The following ZFHX3 variants were observed in gnomAD, a reference collection of about 807,000 sequenced individuals.
ZFHX3 encodes zinc finger homeobox 3, also known as zinc finger homeobox protein 3.
In ZFHX3, 42 loss-of-function variants were observed where a neutral mutation model predicts 279.1. That is an observed-to-expected ratio of 0.15 (90% CI 0.12 to 0.19). The LOEUF (loss-of-function observed/expected upper bound fraction) is 0.19, where lower values mean the gene tolerates loss of function less well. ZFHX3 is among the 10% of genes least tolerant of loss of function. The pLI is 1.00. For synonymous variants in ZFHX3, 2,293 were observed against 1,957.8 expected (o/e 1.17, Z -4.52); for missense variants, 4,981 against 4,754.0 (o/e 1.05, Z -1.40).
intron 5 of ZFHX3, among the ~76,000 whole-genome samples, chr16:73,221,292 G>A (rs1404029702): frequency 6.6e-6 from 1 of 152,070 alleles, no homozygotes; most frequent in East Asian, 1.9e-4. Flanking sequence ...AAAAGTCACT[G>A]TTAATACCTC....
intron 1 of ZFHX3, among the ~76,000 whole-genome samples, chr16:73,713,745 C>A (rs1342406451): frequency 4.6e-5 from 7 of 152,030 alleles, no homozygotes; most frequent in Admixed American, 4.6e-4. Flanking sequence ...GTGACTCAAT[C>A]CATATGCTCA....
At chr16:73,820,607 C>T (rs1388325779) in intron 1 of ZFHX3, among the ~76,000 whole-genome samples, 1 of 152,022 alleles carries the variant, frequency 6.6e-6, no homozygotes, top group Admixed American at 6.6e-5. Flanking sequence ...CCAGCTCCAG[C>T]CAACATCTGA....
At chr16:73,421,500 T>G (rs186000146) in intron 3 of ZFHX3, 1 of 152,242 alleles carries the variant, frequency 6.6e-6, no homozygotes, top group Non-Finnish European at 1.5e-5. Flanking sequence ...TACATAAATA[T>G]CTTTAGGATA....
At chr16:73,548,479 T>TTA (rs71156171) in intron 2 of ZFHX3, among the ~76,000 whole-genome samples, 13,246 of 150,428 alleles carry the variant, frequency 0.088, 640 homozygotes, top group Non-Finnish European at 0.1. Context: ...TTTTTTTTTT[T>TTA]AAAAAAAAGT....
At chr16:72,981,128 C>G (rs1962580401) in intron 1 of ZFHX3, among the ~76,000 whole-genome samples, 1 of 152,112 alleles carries the variant, frequency 6.6e-6, no homozygotes, top group South Asian at 2.1e-4. Context: ...CAGGCCGGGC[C>G]CCAGCTATCT....
At chr16:73,648,408 G>C (rs1380924040) in intron 2 of ZFHX3, among the ~76,000 whole-genome samples, 2 of 152,050 alleles carry the variant, frequency 1.3e-5, no homozygotes, top group African/African-American at 2.4e-5. Context: ...TTTTTTCTGA[G>C]ATAGAGTTTC....
intron 3 of ZFHX3, among the ~76,000 whole-genome samples, chr16:73,442,476 T>TA (rs144711137): frequency 0.026 from 3,910 of 151,102 alleles, 168 homozygotes; most frequent in African/African-American, 0.089. Flanking sequence ...TTTTTTAAAT[T>TA]AAAAAAAAAT....
chr16:73,410,079 C>G (rs972154660), intron 3 of ZFHX3, among the ~76,000 whole-genome samples: 2 of 151,986 alleles, frequency 1.3e-5, no homozygotes, highest in African/African-American at 4.8e-5. Context: ...TTGACAGCAC[C>G]ATAAGGTGAC....
intron 2 of ZFHX3, among the ~76,000 whole-genome samples, chr16:73,529,864 C>T (rs564143879): frequency 2.0e-5 from 3 of 152,094 alleles, no homozygotes; most frequent in African/African-American, 7.2e-5. Context: ...CGCGTAGCAA[C>T]CAGGCAGCAG....
intron 2 of ZFHX3, among the ~76,000 whole-genome samples, chr16:73,545,435 TCC>T (rs1187247146): frequency 6.6e-5 from 10 of 152,294 alleles, no homozygotes; most frequent in Admixed American, 6.5e-4. Context: ...GGCGTCTCTC[TCC>T]TATTTTTTCA....
At chr16:73,243,599 C>T (rs976636506) in intron 5 of ZFHX3, among the ~76,000 whole-genome samples, 11 of 152,104 alleles carry the variant, frequency 7.2e-5, no homozygotes, top group African/African-American at 2.7e-4. Flanking sequence ...GTAATATTCT[C>T]GTTGCTAGAT....
At chr16:73,660,090 C>T (rs892175061) in intron 2 of ZFHX3, among the ~76,000 whole-genome samples, 11 of 152,228 alleles carry the variant, frequency 7.2e-5, no homozygotes, top group East Asian at 1.9e-4. Context: ...ACATTCAGAA[C>T]GGGAAATTGA....
chr16:73,163,752 A>G (rs4602062), intron 5 of ZFHX3, among the ~76,000 whole-genome samples: 3,454 of 152,288 alleles, frequency 0.023, 134 homozygotes, highest in African/African-American at 0.079. Context: ...TAGAACTTGG[A>G]CAAAGAGATG....
At position 72,957,488 on chromosome 16, in the gene ZFHX3, G is replaced by C. The variant is rs781071051; in HGVS notation, c.2658C>G (p.Phe886Leu). ...GATCCAGCTGGAATCCGCTCATCAT[G>C]AACTGGGCGTCCGAGGCAGCACTGT... ...KMDSAASDAQFMMSGFQLDPA... is the reference protein window; with the variant it reads ...KMDSAASDAQLMMSGFQLDPA... The change falls in exon 2 of 10, where the codon TTC becomes TTG. Residue 886 changes from phenylalanine to leucine, a missense_variant. Phe to Leu is a conservative substitution (Grantham distance 22). Transcript: ENST00000268489. The C allele has an allele frequency of 6.2e-7, 1 of 1,614,148 alleles. No individual in the cohort carries two copies. Among genetic ancestry groups the C allele is most frequent in the Non-Finnish European group, 8.5e-7 (1 of 1,180,028 alleles).
chr16:72,843,477 C>T (rs976595138), intron 4 of ZFHX3, among the ~76,000 whole-genome samples: 1 of 142,874 alleles, frequency 7.0e-6, no homozygotes, highest in African/African-American at 2.6e-5. Context: ...CGCCACTGCA[C>T]TCCATCCAGC....
intron 1 of ZFHX3, among the ~76,000 whole-genome samples, chr16:73,757,801 T>A (rs768223616): frequency 6.6e-6 from 1 of 152,196 alleles, no homozygotes; most frequent in Non-Finnish European, 1.5e-5. Flanking sequence ...TCAAGGTGGA[T>A]GTGACAACCT....
At chr16:73,327,672 A>G (rs564966211) in intron 3 of ZFHX3, among the ~76,000 whole-genome samples, 1 of 152,346 alleles carries the variant, frequency 6.6e-6, no homozygotes, top group East Asian at 1.9e-4. Flanking sequence ...ATCATTCAAG[A>G]ATACCAACTT....
Position 72,795,611 on chromosome 16 carries a change from C to A in ZFHX3, c.7071G>T (p.Glu2357Asp), listed in dbSNP as rs1181674409. The A allele has an allele frequency of 6.2e-7, 1 of 1,613,710 alleles. No individual in the cohort carries two copies. The highest frequency in any genetic ancestry group is 2.2e-5 in the East Asian group (1 of 44,854). ...QKKLCYKDED[E>D]EGQDDSQNED... The stretch of plus-strand genomic sequence containing the variant: ...CATTTTGGCTGTCGTCCTGCCCCTC[C>A]TCATCCTCATCCTTGTAACACAGCT... Residue 2357 changes from glutamate to aspartate, a missense_variant, in exon 9 of 10, where the codon GAG becomes GAT. Glu to Asp is a conservative substitution (Grantham distance 45, BLOSUM62 2). This residue lies in a region of ZFHX3 where 744 missense variants were observed against 701.3 expected (regional missense o/e 1.06). Coordinates refer to ENST00000268489, the MANE Select transcript of ZFHX3 (RefSeq NM_006885.4).
chr16:73,740,501 C>T (rs1051233026), intron 1 of ZFHX3, among the ~76,000 whole-genome samples: 1 of 152,120 alleles, frequency 6.6e-6, no homozygotes, highest in African/African-American at 2.4e-5. Context: ...TTCCACATCT[C>T]TCTTTGGCCC....
Sources: gnomAD v4.1 joint callset for allele counts (sites outside exome capture counted in the v4.1 genomes callset) on GRCh38, gnomAD v4.1.1 for gene constraint, gnomAD v4.1.1 regional missense constraint, MANE v1.5 for transcripts, NCBI Gene and HGNC (gene_info 2026-07-23, HGNC 2026-07-21) for gene names.